ITSN2: variants seen among roughly 807,000 people sequenced by gnomAD.
ITSN2 encodes the protein intersectin-2.
Under a neutral mutation model 243.7 loss-of-function variants are expected in ITSN2, and 156 were observed. The observed-to-expected ratio is 0.64, with a 90% CI of 0.56 to 0.73. The LOEUF (loss-of-function observed/expected upper bound fraction) is 0.73, where lower values mean the gene tolerates loss of function less well. Among genes scored for constraint, ITSN2 ranks in the 30% least tolerant of loss-of-function variants. The pLI is 0.00. For synonymous variants in ITSN2, 703 were observed against 699.9 expected, an observed-to-expected ratio of 1.00 and a Z score of -0.07; for missense variants, 1,801 against 1,996.1, an observed-to-expected ratio of 0.90 and a Z score of 1.86.
In ITSN2 at chr2:24,360,483, A is replaced by C. The variant is rs1688862284; in HGVS notation, c.-213T>G. ...GTTGCGTAGCCTGTCACAGCCGCTCAGGGCTCCGCCGGCGCCGCCTCAGCC... is the reference window on the plus strand; with the variant it reads ...GTTGCGTAGCCTGTCACAGCCGCTCCGGGCTCCGCCGGCGCCGCCTCAGCC... On this transcript the variant is annotated 5_prime_UTR_variant, in exon 1 of 40. Transcript: ENST00000355123. 6.6e-6 allele frequency: 1 copy of C among 151,848 alleles called. No homozygotes were observed. Among genetic ancestry groups the C allele is most frequent in the Non-Finnish European group, 1.5e-5 (1 of 67,970 alleles). 9.4% of individuals were successfully genotyped at this position (151,848 alleles called of 1,614,324 possible). A position where few individuals can be genotyped will look rare whatever the true frequency, so the allele number is the denominator to read the frequency against.
At chr2:24,313,582 C>T in intron 3 of ITSN2, 59 bp from the exon 4 acceptor site, 2 of 1,217,712 alleles carry the variant, frequency 1.6e-6, no homozygotes, top group Non-Finnish European at 2.4e-6. Flanking sequence ...TATTCCAATG[C>T]TTCTGAATAA....
intron 19 of ITSN2, among the ~76,000 whole-genome samples, chr2:24,271,100 G>C (rs1677284258): frequency 6.6e-6 from 1 of 152,094 alleles, no homozygotes; most frequent in African/African-American, 2.4e-5. Context: ...GAGAGGCTTG[G>C]TTTGATCTGT....
chr2:24,224,790 C>T (rs1013574107), intron 29 of ITSN2, among the ~76,000 whole-genome samples: 2 of 152,182 alleles, frequency 1.3e-5, no homozygotes, highest in African/African-American at 4.8e-5. Context: ...CCACCACACC[C>T]AGCTAATTTT....
chr2:24,210,963 C>T lies in ITSN2; in HGVS notation c.4090-16G>A, dbSNP rs780216210. Reference sequence around the variant, plus strand: ...TCTCCAGAATCTGGAAAAGAGTGGGCAGTGTCACATGGGGGAGCTGCGTCT... The same window carrying T: ...TCTCCAGAATCTGGAAAAGAGTGGGTAGTGTCACATGGGGGAGCTGCGTCT... On this transcript the variant is annotated splice_polypyrimidine_tract_variant and intron_variant, in intron 33 of 39. Coordinates refer to ENST00000355123, the MANE Select transcript of ITSN2 (RefSeq NM_006277.3). 2.7e-5 allele frequency: 44 copies of T among 1,613,210 alleles called. No homozygotes were observed. The highest frequency in any genetic ancestry group is 1.3e-4 in the Admixed American group (8 of 59,984).
intron 17 of ITSN2, among the ~76,000 whole-genome samples, chr2:24,279,583 T>C (rs1243146717): frequency 6.6e-6 from 1 of 152,196 alleles, no homozygotes; most frequent in African/African-American, 2.4e-5. Flanking sequence ...GCATGTTTTG[T>C]AAAGGAAGAA....
At chr2:24,346,711 G>A (rs1310175022) in intron 1 of ITSN2, among the ~76,000 whole-genome samples, 9 of 151,986 alleles carry the variant, frequency 5.9e-5, no homozygotes, top group Non-Finnish European at 1.2e-4. Context: ...CCATTTTTCT[G>A]TAAATTTAAA....
intron 29 of ITSN2, among the ~76,000 whole-genome samples, chr2:24,236,182 C>CAGCT (rs531944829): frequency 3.3e-4 from 51 of 152,296 alleles, no homozygotes; most frequent in Non-Finnish European, 5.4e-4. Context: ...GAATGATGTA[C>CAGCT]AGCTACATGC....
intron 17 of ITSN2, among the ~76,000 whole-genome samples, chr2:24,279,400 T>C (rs539159206): frequency 2.0e-5 from 3 of 152,238 alleles, no homozygotes; most frequent in Admixed American, 1.3e-4. Context: ...TAAAGATATT[T>C]TGGAGATTCT....
chr2:24,338,156 C>G (rs1348072801), intron 1 of ITSN2, among the ~76,000 whole-genome samples: 1 of 152,166 alleles, frequency 6.6e-6, no homozygotes, highest in Non-Finnish European at 1.5e-5. Flanking sequence ...CTCTCAGAAG[C>G]CTGCCACCCA....
At chr2:24,247,945 A>C (rs1367940560) in intron 27 of ITSN2, among the ~76,000 whole-genome samples, 3 of 152,116 alleles carry the variant, frequency 2.0e-5, no homozygotes, top group Admixed American at 1.3e-4. Flanking sequence ...TTCTTCAGGA[A>C]TCCTAAGACT....
At chr2:24,359,816 T>C (rs1688784804) in intron 1 of ITSN2, among the ~76,000 whole-genome samples, 1 of 152,132 alleles carries the variant, frequency 6.6e-6, no homozygotes. Context: ...CGGGCTACTT[T>C]GACGCACCGG....
intron 29 of ITSN2, chr2:24,241,328 T>C (rs1235621219): frequency 1.3e-5 from 2 of 152,208 alleles, no homozygotes; most frequent in Non-Finnish European, 2.9e-5. Context: ...CAGTCAATGA[T>C]GGGAGCCTTT....
In ITSN2 at chr2:24,295,913, T is replaced by C. The variant is rs1481107207; in HGVS notation, c.1495-109A>G. The C allele has an allele frequency of 1.3e-5, 11 of 828,834 alleles. No individual in the cohort carries two copies. The African/African-American group carries it at 1.6e-4, about 12-fold the overall frequency. The allele number at this position is 828,834 out of a possible 1,614,324, so 51.3% of individuals were successfully genotyped here. On this transcript the variant is annotated intron_variant, in intron 13 of 39. Transcript: ENST00000355123. ...ATTTTAAAATCTCAGTTATCATTCA[T>C]ATTCATCCTGAAACAAATGCCTAAA... is the stretch of plus-strand genomic sequence containing the variant.
chr2:24,334,765 T>C (rs1466006743), intron 1 of ITSN2: 1 of 1,531,218 alleles, frequency 6.5e-7, no homozygotes, highest in Non-Finnish European at 8.9e-7. Context: ...TGTTGGCTAT[T>C]AAAAGATGCA....
chr2:24,228,890 A>C (rs149671884), intron 29 of ITSN2, among the ~76,000 whole-genome samples: 14 of 152,336 alleles, frequency 9.2e-5, no homozygotes, highest in African/African-American at 3.1e-4. Context: ...AGGTCATAGA[A>C]GTGTTGGAAG....
At chr2:24,261,800 A>G in intron 20 of ITSN2, 58 bp from the exon 21 acceptor site, 1 of 1,296,874 alleles carries the variant, frequency 7.7e-7, no homozygotes, top group East Asian at 2.4e-5. Context: ...TTACAATGGA[A>G]AGAGATGAAA....
chr2:24,353,348 C>T (rs1688183170), intron 1 of ITSN2, among the ~76,000 whole-genome samples: 1 of 152,198 alleles, frequency 6.6e-6, no homozygotes, highest in South Asian at 2.1e-4. Flanking sequence ...GTAATCCCAG[C>T]ACTTTGGGAG....
intron 24 of ITSN2, 87 bp from the exon 25 acceptor site, chr2:24,252,598 T>C (rs1674488478): frequency 3.2e-6 from 3 of 949,888 alleles, no homozygotes; most frequent in South Asian, 4.5e-5. Context: ...CAAGACATTG[T>C]ATAAGTTTGC....
chr2:24,324,134 A>G (rs1168475142), intron 2 of ITSN2, among the ~76,000 whole-genome samples: 1 of 152,228 alleles, frequency 6.6e-6, no homozygotes, highest in African/African-American at 2.4e-5. Flanking sequence ...CGGGAGGCTG[A>G]GGCAGGAGAA....
Sources: allele counts gnomAD v4.1 joint callset (sites outside exome capture counted in the v4.1 genomes callset), GRCh38; gene constraint gnomAD v4.1.1; transcripts MANE v1.5; gene names NCBI Gene and HGNC (gene_info 2026-07-23, HGNC 2026-07-21).